Variants in RNF43 observed in about 807,000 individuals in gnomAD.
The protein encoded by RNF43 is E3 ubiquitin-protein ligase RNF43.
Under a neutral mutation model 78.4 loss-of-function variants are expected in RNF43, and 37 were observed. The observed-to-expected ratio is 0.47, with a 90% CI of 0.36 to 0.62. RNF43 has a LOEUF of 0.62. Ranked by LOEUF, RNF43 falls within the 20% of genes least tolerant of loss-of-function variation. RNF43 has a pLI of 0.00. For missense variants in RNF43, 774 were observed against 1,007.9 expected (o/e 0.77, Z 3.14); for synonymous variants, 347 against 395.0 (o/e 0.88, Z 1.44).
chr17:58,358,373 G>GC lies in RNF43; in HGVS notation c.1402_1403insG (p.Ser468CysfsTer10). On this transcript the variant is annotated frameshift_variant, in exon 9 of 10. Transcript: ENST00000407977. LOFTEE classifies it high-confidence loss of function. This position sits in a 1 kb window ranked among gnomAD's most constrained non-coding sequence, Gnocchi z 6.2. The stretch of plus-strand genomic sequence containing the variant: ...ACTGGAAGAGCCATGACAGGGCCCT[G>GC]AGCTGGAGTCACTGGCTGGCCCATC... 1 of 1,614,162 alleles carries GC rather than the reference G, an allele frequency of 6.2e-7. No homozygotes were observed. The highest frequency in any genetic ancestry group is 8.5e-7 in the Non-Finnish European group (1 of 1,180,012).
intron 2 of RNF43, among the ~76,000 whole-genome samples, chr17:58,405,225 A>G (rs1446853028): frequency 3.3e-5 from 5 of 151,564 alleles, no homozygotes; most frequent in Non-Finnish European, 7.4e-5. Context: ...CTACAGGTGC[A>G]TGCCGCCATG....
intron 2 of RNF43, among the ~76,000 whole-genome samples, chr17:58,379,949 GCA>G (rs1973278761): frequency 6.6e-6 from 1 of 152,182 alleles, no homozygotes; most frequent in Non-Finnish European, 1.5e-5. Context: ...GAAGTTAGAA[GCA>G]AAGAAGAGGG....
chr17:58,368,320 G>A (rs1972998721), intron 3 of RNF43, among the ~76,000 whole-genome samples: 2 of 152,206 alleles, frequency 1.3e-5, no homozygotes, highest in South Asian at 4.1e-4. Flanking sequence ...GGCCGAGGCA[G>A]GCAGAACTCT....
At position 58,370,060 on chromosome 17, in the gene RNF43, G is replaced by GTTTTTTT. The variant is rs56372311; in HGVS notation, c.375+844_375+850dup. 1.0e-4 allele frequency among the ~76,000 whole-genome samples: 10 copies of GTTTTTTT among 96,272 alleles called. 1 individual carries two copies. The highest frequency in any genetic ancestry group is 2.7e-4 in the East Asian group (1 of 3,738). The allele number at this position is 96,272 out of a possible 152,430, so 63.2% of individuals were successfully genotyped here. A position where few individuals can be genotyped will look rare whatever the true frequency, so the allele number is the denominator to read the frequency against. ...TCTTCTAAAGAAGCTGAAAATCTGA[G>GTTTTTTT]TTTTTTTTTTTTTTTTTTTTTTTTT... On this transcript the variant is annotated intron_variant, in intron 3 of 9. Transcript: ENST00000407977.
intron 2 of RNF43, 138 bp downstream of exon 2, chr17:58,415,188 A>G: frequency 3.7e-6 from 3 of 810,678 alleles, no homozygotes; most frequent in Middle Eastern, 3.7e-4. Flanking sequence ...TAGAATGCCA[A>G]TAAGGCAGTA....
chr17:58,369,083 A>G (rs1310493913), intron 3 of RNF43, among the ~76,000 whole-genome samples: 2 of 152,050 alleles, frequency 1.3e-5, no homozygotes, highest in Admixed American at 1.3e-4. Flanking sequence ...ACACACACAC[A>G]CACACACACG....
intron 2 of RNF43, among the ~76,000 whole-genome samples, chr17:58,402,140 T>TG (rs1273352511): frequency 1.3e-5 from 2 of 152,208 alleles, no homozygotes; most frequent in African/African-American, 4.8e-5. Flanking sequence ...TCTTTGTGAT[T>TG]GATGATGTGT....
chr17:58,363,884 C>G (rs1225562423), intron 3 of RNF43, among the ~76,000 whole-genome samples: 1 of 152,138 alleles, frequency 6.6e-6, no homozygotes, highest in East Asian at 1.9e-4. Context: ...AGGTGGTGGA[C>G]CTGGCTCTAG....
At chr17:58,368,409 G>C (rs11655239) in intron 3 of RNF43, among the ~76,000 whole-genome samples, 1 of 152,080 alleles carries the variant, frequency 6.6e-6, no homozygotes, top group South Asian at 2.1e-4. Flanking sequence ...TTAGCCAGGC[G>C]TGGTGGTGGG....
chr17:58,411,116 GTTA>G (rs1256676109), intron 2 of RNF43, among the ~76,000 whole-genome samples: 2 of 152,194 alleles, frequency 1.3e-5, no homozygotes, highest in Admixed American at 6.5e-5. Context: ...CTCTCATAAA[GTTA>G]TTATGAGAAT....
chr17:58,384,875 C>T (rs577552339), intron 2 of RNF43, among the ~76,000 whole-genome samples: 2 of 152,332 alleles, frequency 1.3e-5, no homozygotes, highest in African/African-American at 4.8e-5. Context: ...CCAAACACAT[C>T]TTTAACAGGA....
At chr17:58,378,339 C>T (rs1018716326) in intron 2 of RNF43, among the ~76,000 whole-genome samples, 3 of 152,148 alleles carry the variant, frequency 2.0e-5, no homozygotes, top group African/African-American at 4.8e-5. Context: ...CTCACTGCAG[C>T]CTCAACCTCC....
intron 2 of RNF43, among the ~76,000 whole-genome samples, chr17:58,387,231 G>T (rs955160387): frequency 6.6e-6 from 1 of 152,146 alleles, no homozygotes; most frequent in South Asian, 2.1e-4. Context: ...TCAGCCAAAA[G>T]GAATTGTCTG....
At position 58,362,562 on chromosome 17, in the gene RNF43, G is replaced by A. The variant is rs758704321; in HGVS notation, c.669C>T (p.Arg223=). ...TGCTCACCGGCCTGCTGTGGCGGGG[G>A]CGGCACCGGATGCGCAGCACCGAAG... ...ILASVLRIRC[R]PRHSRPDPLQ... is the part of the protein sequence containing the mutation. The change falls in exon 6 of 10, where the codon CGC becomes CGT. Residue 223 remains arginine (R), a synonymous_variant. Coordinates refer to ENST00000407977, the MANE Select transcript of RNF43 (RefSeq NM_017763.6). 4.4e-6 allele frequency: 7 copies of A among 1,607,812 alleles called. No homozygotes were observed. In the East Asian group the frequency reaches 6.7e-5, roughly 15 times the overall value.
intron 2 of RNF43, among the ~76,000 whole-genome samples, chr17:58,405,999 C>A (rs945033137): frequency 5.3e-5 from 8 of 152,208 alleles, no homozygotes; most frequent in Non-Finnish European, 1.0e-4. Flanking sequence ...TGGTAAGATT[C>A]TTAGCCTAGA....
chr17:58,358,402 C>A lies in RNF43; in HGVS notation c.1374G>T (p.Leu458=), dbSNP rs761265827. Residue 458 remains leucine (L), a synonymous_variant, in exon 9 of 10, where the codon CTG becomes CTT. Transcript: ENST00000407977. The surrounding 1 kb of genome is among the most constrained non-coding windows in gnomAD (Gnocchi z 6.2). ...ESYCTERSGY[L]ADGPASDSSS... is the part of the protein sequence containing the mutation. ...TGGAGTCACTGGCTGGCCCATCTGCCAGGTACCCACTGCGTTCTGTGCAAT... is the reference window on the plus strand; with the variant it reads ...TGGAGTCACTGGCTGGCCCATCTGCAAGGTACCCACTGCGTTCTGTGCAAT... 1.2e-6 allele frequency: 2 copies of A among 1,614,018 alleles called. No homozygotes were observed. The highest frequency in any genetic ancestry group is 2.7e-5 in the African/African-American group (2 of 74,924).
At chr17:58,405,711 AAAGAAAGAAAG>A (rs1326229779) in intron 2 of RNF43, among the ~76,000 whole-genome samples, 1 of 137,358 alleles carries the variant, frequency 7.3e-6, no homozygotes, top group Non-Finnish European at 1.6e-5. Context: ...AGAAAGAAAG[AAAGAAAGAAAG>A]AAAGAAAGAA....
chr17:58,374,643 G>T (rs1380874527), intron 2 of RNF43, among the ~76,000 whole-genome samples: 4 of 151,872 alleles, frequency 2.6e-5, no homozygotes, highest in Non-Finnish European at 5.9e-5. Flanking sequence ...TGCCTGCCTC[G>T]GCCTCCTACA....
intron 2 of RNF43, among the ~76,000 whole-genome samples, chr17:58,371,826 G>A (rs573072568): frequency 6.6e-6 from 1 of 152,330 alleles, no homozygotes; most frequent in East Asian, 1.9e-4. Context: ...GCTGAACAAT[G>A]ACTAAAGGAG....
Sources: gnomAD v4.1 joint callset for allele counts (sites outside exome capture counted in the v4.1 genomes callset) on GRCh38, gnomAD v4.1.1 for gene constraint, Gnocchi (gnomAD v3.1) non-coding constraint, MANE v1.5 for transcripts, NCBI Gene and HGNC (gene_info 2026-07-23, HGNC 2026-07-21) for gene names.